Variants in PLXNC1 observed in about 807,000 individuals in gnomAD.
PLXNC1 encodes plexin C1.
In PLXNC1, 75 loss-of-function variants were observed where a neutral mutation model predicts 178.2. That is an observed-to-expected ratio of 0.42 (90% CI 0.35 to 0.51). The LOEUF is 0.51. Among genes scored for constraint, PLXNC1 ranks in the 20% least tolerant of loss-of-function variants. PLXNC1 has a pLI of 0.02. For missense variants in PLXNC1, 1,503 were observed against 1,984.4 expected (o/e 0.76, Z 4.61); for synonymous variants, 790 against 779.9 (o/e 1.01, Z -0.22).
chr12:94,199,773 T>C (rs1281824235), intron 4 of PLXNC1, among the ~76,000 whole-genome samples: 2 of 152,032 alleles, frequency 1.3e-5, no homozygotes, highest in African/African-American at 4.8e-5. Context: ...AAGCCAGGCT[T>C]TTTTGTTTGT....
intron 21 of PLXNC1, among the ~76,000 whole-genome samples, 181 bp from the exon 22 acceptor site, chr12:94,279,291 T>C (rs1966244600): frequency 6.6e-6 from 1 of 152,206 alleles, no homozygotes; most frequent in Admixed American, 6.5e-5. Context: ...TGTTTTCCCT[T>C]CCATTATCCC....
At position 94,149,150 on chromosome 12, in the gene PLXNC1, C is replaced by T; in HGVS notation, c.179C>T (p.Ala60Val). Residue 60 changes from alanine (A) to valine (V), a missense_variant, in exon 1 of 31, where the codon GCG becomes GTG. Transcript: ENST00000258526. ...AGCCAGGAGGACGGCGTGTTTGTGG[C>T]GAGCGGCAGCTGCCTGGACCAGCTG... ...AASQEDGVFV[A>V]SGSCLDQLDY... The T allele has an allele frequency of 6.3e-7, 1 of 1,589,564 alleles. No homozygotes were observed. Among genetic ancestry groups the T allele is most frequent in the Non-Finnish European group, 8.5e-7 (1 of 1,172,462 alleles).
Position 94,149,109 on chromosome 12 carries a change from C to T in PLXNC1, c.138C>T (p.Ile46=). 1 of 1,586,280 alleles carries T rather than the reference C, an allele frequency of 6.3e-7. No homozygotes were observed. Residue 46 remains isoleucine, a synonymous_variant, in exon 1 of 31, where the codon ATC becomes ATT. Transcript: ENST00000258526. ...CCGTGTGGCGGTCGGAGCAAGCCAT[C>T]GGAGCCATCGCGGCGAGCCAGGAGG... ...DEPVWRSEQA[I]GAIAASQEDG...
intron 5 of PLXNC1, among the ~76,000 whole-genome samples, chr12:94,211,928 C>T (rs982506655): frequency 6.6e-6 from 1 of 152,082 alleles, no homozygotes; most frequent in African/African-American, 2.4e-5. Flanking sequence ...ACATGGGCTC[C>T]CCTGGTGGAA....
chr12:94,166,762 AC>A (rs1454196756), intron 1 of PLXNC1, among the ~76,000 whole-genome samples: 1 of 149,604 alleles, frequency 6.7e-6, no homozygotes, highest in Non-Finnish European at 1.5e-5. Flanking sequence ...TGCACCACTT[AC>A]CCATGCTACT....
chr12:94,287,474 G>A (rs891349877), intron 23 of PLXNC1, among the ~76,000 whole-genome samples: 6 of 152,122 alleles, frequency 3.9e-5, no homozygotes, highest in South Asian at 2.1e-4. Flanking sequence ...TGGCTGGGCC[G>A]AGTTATTGCA....
chr12:94,189,270 G>T (rs1443510196), intron 4 of PLXNC1, among the ~76,000 whole-genome samples: 1 of 152,228 alleles, frequency 6.6e-6, no homozygotes, highest in East Asian at 1.9e-4. Context: ...ATATCGATAT[G>T]GATGTTGATT....
In PLXNC1 at chr12:94,247,358, C is replaced by G. The variant is rs117181497; in HGVS notation, c.2389-545C>G. ...CTGTTTTCTGTTATGCCTGAAAACC[C>G]TTGTCCTCCTTGTGTCTAGTGACTT... On this transcript the variant is annotated intron_variant, in intron 12 of 30. Coordinates refer to ENST00000258526, the MANE Select transcript of PLXNC1 (RefSeq NM_005761.3). Among the ~76,000 whole-genome samples the G allele has an allele frequency of 9.2e-3, 1,400 of 152,208 alleles. 17 individuals carry two copies. Among genetic ancestry groups the G allele is most frequent in the South Asian group, 0.02 (96 of 4,824 alleles).
chr12:94,243,524 A>G (rs2291327), intron 11 of PLXNC1, among the ~76,000 whole-genome samples: 19,725 of 152,204 alleles, frequency 0.13, 1,491 homozygotes, highest in East Asian at 0.26. Context: ...GTAGGTTAGG[A>G]GTTTGATTTT....
Position 94,149,333 on chromosome 12 carries a change from G to A in PLXNC1, c.362G>A (p.Gly121Glu). 1 of 1,441,070 alleles carries A rather than the reference G, an allele frequency of 6.9e-7. No homozygotes were observed. Among genetic ancestry groups the A allele is most frequent in the Non-Finnish European group, 9.0e-7 (1 of 1,106,736 alleles). The allele number at this position is 1,441,070 out of a possible 1,614,324, so 89.3% of individuals were successfully genotyped here. ...PYREGAAGLGGLLLTGWTFDR... is the reference protein window; with the variant it reads ...PYREGAAGLGELLLTGWTFDR... Reference sequence around the variant, plus strand: ...CGCGAGGGGGCGGCCGGCCTCGGGGGGCTGCTGCTCACCGGCTGGACCTTC... The same window carrying A: ...CGCGAGGGGGCGGCCGGCCTCGGGGAGCTGCTGCTCACCGGCTGGACCTTC... The change falls in exon 1 of 31, where the codon GGG becomes GAG. Residue 121 changes from glycine (G) to glutamate (E), a missense_variant. Physicochemically the swap from Gly to Glu is moderately conservative, Grantham distance 98 (BLOSUM62 -2). This residue lies in a region of PLXNC1 where 176 missense variants were observed against 180.7 expected (regional missense o/e 0.97). Coordinates refer to ENST00000258526, the MANE Select transcript of PLXNC1 (RefSeq NM_005761.3).
chr12:94,232,744 A>G (rs1466112220), intron 9 of PLXNC1, among the ~76,000 whole-genome samples: 1 of 152,170 alleles, frequency 6.6e-6, no homozygotes, highest in Non-Finnish European at 1.5e-5. Context: ...GCCAGAATGT[A>G]CTCAAATGAA....
chr12:94,260,363 A>G lies in PLXNC1; in HGVS notation c.3252-279A>G, dbSNP rs575167015. ...GTGAACCACCATGCCCGGCCCATAA[A>G]TTCTTAATAAAAAAAGCAGAAGTGT... On this transcript the variant is annotated intron_variant, in intron 19 of 30. Transcript: ENST00000258526. This position sits in a 1 kb window ranked among gnomAD's most constrained non-coding sequence, Gnocchi z 4.4. 4.9e-4 allele frequency among the ~76,000 whole-genome samples: 74 copies of G among 152,220 alleles called. No homozygotes were observed. The highest frequency in any genetic ancestry group is 3.4e-3 in the Middle Eastern group (1 of 294).
intron 4 of PLXNC1, among the ~76,000 whole-genome samples, chr12:94,201,954 G>A (rs1285101422): frequency 6.6e-6 from 1 of 151,704 alleles, no homozygotes; most frequent in Non-Finnish European, 1.5e-5. Flanking sequence ...TTTTATTAGA[G>A]ACAGGGTTTC....
chr12:94,252,200 T>C (rs1022207738), intron 15 of PLXNC1, among the ~76,000 whole-genome samples: 1 of 152,198 alleles, frequency 6.6e-6, no homozygotes, highest in Admixed American at 6.5e-5. Context: ...TTATTTCATC[T>C]TGACCACCCC....
chr12:94,252,365 AG>A (rs1394730714), intron 15 of PLXNC1, among the ~76,000 whole-genome samples: 3 of 152,152 alleles, frequency 2.0e-5, no homozygotes, highest in African/African-American at 7.2e-5. Flanking sequence ...CAGGAGTTTG[AG>A]GTTACAGTGA....
intron 18 of PLXNC1, 42 bp downstream of exon 18, chr12:94,259,417 A>AT: frequency 6.8e-7 from 1 of 1,466,604 alleles, no homozygotes; most frequent in Non-Finnish European, 9.4e-7. Flanking sequence ...TGACTGCCTG[A>AT]TGTTCATAGT....
intron 4 of PLXNC1, among the ~76,000 whole-genome samples, chr12:94,208,659 G>C (rs994065052): frequency 6.6e-6 from 1 of 152,226 alleles, no homozygotes; most frequent in African/African-American, 2.4e-5. Context: ...CTTCAGCCTT[G>C]AGGAGGTGTA....
intron 1 of PLXNC1, among the ~76,000 whole-genome samples, chr12:94,158,602 GC>G (rs376393530): frequency 4.6e-5 from 7 of 152,272 alleles, no homozygotes; most frequent in African/African-American, 1.7e-4. Context: ...TTTAAGACTA[GC>G]CTGGGCAACG....
chr12:94,187,765 A>G lies in PLXNC1; in HGVS notation c.1439+1292A>G, dbSNP rs149926717. 2.6e-5 allele frequency among the ~76,000 whole-genome samples: 4 copies of G among 152,318 alleles called. No homozygotes were observed. The East Asian group carries it at 7.7e-4, about 29-fold the overall frequency. ...GGTGATTAAATAGCCACATGGAGCT[A>G]GCGGCTAACGTATTAACAAGCTCAG... is the stretch of plus-strand genomic sequence containing the variant. On this transcript the variant is annotated intron_variant, in intron 4 of 30. Coordinates refer to ENST00000258526, the MANE Select transcript of PLXNC1 (RefSeq NM_005761.3).
Sources: gnomAD v4.1 joint callset for allele counts (sites outside exome capture counted in the v4.1 genomes callset) on GRCh38, gnomAD v4.1.1 for gene constraint, gnomAD v4.1.1 regional missense constraint, Gnocchi (gnomAD v3.1) non-coding constraint, MANE v1.5 for transcripts, NCBI Gene and HGNC (gene_info 2026-07-23, HGNC 2026-07-21) for gene names.